GAB2: variants seen among roughly 807,000 people sequenced by gnomAD.
The protein encoded by GAB2 is GRB2-associated-binding protein 2.
A neutral mutation model predicts 65.5 loss-of-function variants in GAB2; 26 were observed. The observed-to-expected ratio is 0.40, with a 90% CI of 0.29 to 0.55. The LOEUF (loss-of-function observed/expected upper bound fraction) is 0.55. Among genes scored for constraint, GAB2 ranks in the 20% least tolerant of loss-of-function variants. The pLI is 0.53. For missense variants in GAB2, 884 were observed against 875.8 expected (o/e 1.01, Z -0.12); for synonymous variants, 321 against 329.6 (o/e 0.97, Z 0.28).
intron 1 of GAB2, among the ~76,000 whole-genome samples, chr11:78,284,662 G>A (rs1194581858): frequency 6.6e-6 from 1 of 152,160 alleles, no homozygotes; most frequent in Admixed American, 6.5e-5. Context: ...TTACTGGACA[G>A]GCTATTCCTG....
intron 2 of GAB2, among the ~76,000 whole-genome samples, chr11:78,277,718 C>G (rs1199464790): frequency 6.6e-6 from 1 of 152,188 alleles, no homozygotes; most frequent in South Asian, 2.1e-4. Context: ...ATAGCCCTCT[C>G]CAAGGGAAGA....
chr11:78,324,620 A>G (rs1855790063), intron 1 of GAB2: 1 of 152,202 alleles, frequency 6.6e-6, no homozygotes, highest in Non-Finnish European at 1.5e-5. Context: ...ATCAATCCAT[A>G]TGCTAGATGC....
chr11:78,371,516 C>T lies in GAB2; in HGVS notation c.75+46130G>A, dbSNP rs1029299959. Among the ~76,000 whole-genome samples, 4 of 152,180 alleles carry T rather than the reference C, an allele frequency of 2.6e-5. No individual in the cohort carries two copies. In the East Asian group the frequency reaches 5.8e-4, roughly 22 times the overall value. ...TCCTTCCCTCATTCAATCCCTCTTC[C>T]GTGTTCCTCCAGGACAACCTCACGT... On this transcript the variant is annotated intron_variant, in intron 1 of 9. Transcript: ENST00000361507.
Position 78,312,033 on chromosome 11 carries a change from C to T in GAB2, c.76-31132G>A, listed in dbSNP as rs1053491932. ...GCTGCAAATTACGAAGAATACCAAC[C>T]TTCCTCCCATGTCTAGGCTTGAAAA... On this transcript the variant is annotated intron_variant, in intron 1 of 9. Transcript: ENST00000361507. 1.3e-5 allele frequency among the ~76,000 whole-genome samples: 2 copies of T among 152,240 alleles called. 1 individual carries two copies. Among genetic ancestry groups the T allele is most frequent in the Non-Finnish European group, 2.9e-5 (2 of 68,010 alleles).
intron 1 of GAB2, among the ~76,000 whole-genome samples, chr11:78,363,310 T>A: frequency 6.6e-6 from 1 of 152,182 alleles, no homozygotes; most frequent in East Asian, 1.9e-4. Context: ...CTTCAATTAA[T>A]CTCTAAATTC....
In GAB2 at chr11:78,217,388, G is replaced by A. The variant is rs930141107; in HGVS notation, c.*1884C>T. On this transcript the variant is annotated 3_prime_UTR_variant, in exon 10 of 10. Coordinates refer to ENST00000361507, the MANE Select transcript of GAB2 (RefSeq NM_080491.3). Reference sequence around the variant, plus strand: ...ATCTAAACTAATGCTAGGAGGAGAGGTGCAGCTCTTGAAGAAATAACTTCT... The same window carrying A: ...ATCTAAACTAATGCTAGGAGGAGAGATGCAGCTCTTGAAGAAATAACTTCT... 1 of 152,212 alleles carries A rather than the reference G, an allele frequency of 6.6e-6. No individual in the cohort carries two copies. Among genetic ancestry groups the A allele is most frequent in the African/African-American group, 2.4e-5 (1 of 41,452 alleles). 9.4% of individuals were successfully genotyped at this position (152,212 alleles called of 1,614,324 possible).
intron 1 of GAB2, chr11:78,341,744 G>C (rs1054572332): frequency 3.0e-6 from 3 of 985,648 alleles, no homozygotes; most frequent in Non-Finnish European, 3.6e-6. Flanking sequence ...CATACTCTTT[G>C]TTTCCCAAAA....
chr11:78,394,727 T>G (rs1856874563), intron 1 of GAB2, among the ~76,000 whole-genome samples: 1 of 152,216 alleles, frequency 6.6e-6, no homozygotes, highest in Non-Finnish European at 1.5e-5. Context: ...TAGAAATTGC[T>G]GGTCTTAAGC....
intron 1 of GAB2, among the ~76,000 whole-genome samples, chr11:78,281,582 G>C (rs1049305304): frequency 6.6e-6 from 1 of 152,174 alleles, no homozygotes; most frequent in Admixed American, 6.5e-5. Flanking sequence ...AGATATCATA[G>C]GTTAAAGACG....
At chr11:78,381,009 C>A (rs545461345) in intron 1 of GAB2, among the ~76,000 whole-genome samples, 17 of 152,222 alleles carry the variant, frequency 1.1e-4, no homozygotes, top group Admixed American at 9.8e-4. Flanking sequence ...AAACTCTGAC[C>A]CCATTCATTT....
chr11:78,372,627 T>C (rs1856586602), intron 1 of GAB2, among the ~76,000 whole-genome samples: 1 of 152,278 alleles, frequency 6.6e-6, no homozygotes, highest in East Asian at 1.9e-4. Context: ...ATAACCTGAA[T>C]AAACCCCAGC....
At chr11:78,353,107 A>G (rs1373490223) in intron 1 of GAB2, among the ~76,000 whole-genome samples, 1 of 152,148 alleles carries the variant, frequency 6.6e-6, no homozygotes, top group Non-Finnish European at 1.5e-5. Context: ...TTACACGTGT[A>G]TCTTCTCCAG....
chr11:78,279,192 C>T (rs577546566), intron 2 of GAB2, among the ~76,000 whole-genome samples: 1 of 152,272 alleles, frequency 6.6e-6, no homozygotes, highest in South Asian at 2.1e-4. Flanking sequence ...CACAGAATTC[C>T]TAGGTTAGGA....
intron 3 of GAB2, among the ~76,000 whole-genome samples, chr11:78,241,526 A>T (rs973617590): frequency 1.3e-5 from 2 of 152,210 alleles, no homozygotes; most frequent in Non-Finnish European, 2.9e-5. Flanking sequence ...AAGAAAACTC[A>T]ATGAGGTACA....
intron 1 of GAB2, among the ~76,000 whole-genome samples, chr11:78,367,668 G>T (rs1856513954): frequency 6.6e-6 from 1 of 151,992 alleles, no homozygotes; most frequent in South Asian, 2.1e-4. Flanking sequence ...TTGGCTTAGA[G>T]ATGCAGTCAC....
intron 1 of GAB2, among the ~76,000 whole-genome samples, chr11:78,300,699 T>TTG (rs1554985608): frequency 6.5e-5 from 9 of 138,660 alleles, no homozygotes; most frequent in South Asian, 2.2e-4. Context: ...TTTTTTGTTT[T>TTG]TTTTTTTTTT....
intron 1 of GAB2, among the ~76,000 whole-genome samples, chr11:78,310,429 C>T (rs1384915845): frequency 5.4e-5 from 8 of 147,458 alleles, no homozygotes; most frequent in African/African-American, 7.5e-5. Flanking sequence ...AGGAGAATGG[C>T]GTGAACCTGG....
intron 2 of GAB2, 181 bp downstream of exon 2, chr11:78,280,420 T>TA (rs1866301801): frequency 1.6e-6 from 1 of 619,638 alleles, no homozygotes; most frequent in African/African-American, 1.8e-5. Context: ...GGTTTCCAGT[T>TA]AGAGCATAAT....
chr11:78,399,952 G>C (rs1856948447), intron 1 of GAB2, among the ~76,000 whole-genome samples: 1 of 152,178 alleles, frequency 6.6e-6, no homozygotes, highest in Non-Finnish European at 1.5e-5. Flanking sequence ...ATACTGAGAG[G>C]TTTTCTGAAC....
Sources: allele counts gnomAD v4.1 joint callset (sites outside exome capture counted in the v4.1 genomes callset), GRCh38; gene constraint gnomAD v4.1.1; transcripts MANE v1.5; gene names NCBI Gene and HGNC (gene_info 2026-07-23, HGNC 2026-07-21).